The following MAP6 variants were observed in gnomAD, a reference collection of about 807,000 sequenced individuals.
The protein encoded by MAP6 is microtubule-associated protein 6.
In MAP6, 26 loss-of-function variants were observed where a neutral mutation model predicts 42.4. The ratio of observed to expected loss-of-function variants is 0.61; its 90% CI spans 0.45 to 0.85. The LOEUF (loss-of-function observed/expected upper bound fraction) is 0.85. MAP6 is among the 40% of genes least tolerant of loss of function. The pLI is 0.00. For missense variants in MAP6, 966 were observed against 1,099.0 expected (o/e 0.88, Z 1.71); for synonymous variants, 418 against 443.8 (o/e 0.94, Z 0.73).
chr11:75,643,638 G>C (rs56779053), intron 1 of MAP6, among the ~76,000 whole-genome samples: 169 of 152,266 alleles, frequency 1.1e-3, no homozygotes, highest in African/African-American at 4.0e-3. Context: ...CTCAGAAAAG[G>C]CTCTTGACTG....
chr11:75,665,559 C>T (rs1313288741), intron 1 of MAP6, among the ~76,000 whole-genome samples: 1 of 152,098 alleles, frequency 6.6e-6, no homozygotes, highest in Non-Finnish European at 1.5e-5. Context: ...AGAGGCCAAG[C>T]CAGTAATCTA....
chr11:75,647,730 C>T (rs1364128660), intron 1 of MAP6, among the ~76,000 whole-genome samples: 1 of 152,138 alleles, frequency 6.6e-6, no homozygotes, highest in Non-Finnish European at 1.5e-5. Flanking sequence ...GATGTTAATC[C>T]TCAGATTAAT....
intron 1 of MAP6, among the ~76,000 whole-genome samples, chr11:75,635,531 A>G (rs1943354471): frequency 6.6e-6 from 1 of 152,258 alleles, no homozygotes; most frequent in Non-Finnish European, 1.5e-5. Flanking sequence ...TGAAACTGCT[A>G]AAACACTTTC....
intron 1 of MAP6, among the ~76,000 whole-genome samples, chr11:75,618,998 G>A (rs11236468): frequency 0.015 from 2,298 of 152,338 alleles, 64 homozygotes; most frequent in African/African-American, 0.053. Flanking sequence ...GGAGTGGGTG[G>A]GAGGGAAGAT....
chr11:75,605,088 G>A, intron 3 of MAP6: 1 of 985,420 alleles, frequency 1.0e-6, no homozygotes, highest in South Asian at 4.7e-5. Context: ...TCCTATGACA[G>A]CTGGAATGTA....
rs537445366 is a variant in MAP6, at chr11:75,646,270, G to C, written c.905+21195C>G. On this transcript the variant is annotated intron_variant, in intron 1 of 3. Coordinates refer to ENST00000304771, the MANE Select transcript of MAP6 (RefSeq NM_033063.2). The stretch of plus-strand genomic sequence containing the variant: ...CTAAGAAAACATTATTGTCTTTCTA[G>C]AATTCTTCTCTCAGTGATACTATCT... 5.9e-5 allele frequency among the ~76,000 whole-genome samples: 9 copies of C among 152,158 alleles called. No individual in the cohort carries two copies. In the South Asian group the frequency reaches 6.2e-4, roughly 11 times the overall value.
chr11:75,608,255 G>A lies in MAP6; in HGVS notation c.973C>T (p.Pro325Ser), dbSNP rs753135116. 1.9e-6 allele frequency: 3 copies of A among 1,614,204 alleles called. No individual in the cohort carries two copies. The highest frequency in any genetic ancestry group is 2.2e-5 in the South Asian group (2 of 91,084). ...TCATGAACCATCTTATCATCTGGGG[G>A]CTTGTACTGGGGCTTGGCCTTTATT... The part of the protein sequence containing the change: ...KPIKAKPQYK[P>S]PDDKMVHETS... The change falls in exon 2 of 4, where the codon CCC becomes TCC. Residue 325 changes from proline (P) to serine (S), a missense_variant. Around this residue, in one of 2 missense-constraint regions of MAP6, gnomAD observed 943 missense variants for 1,049.9 expected, o/e 0.90. Transcript: ENST00000304771.
intron 1 of MAP6, among the ~76,000 whole-genome samples, chr11:75,657,110 ATT>A (rs60988687): frequency 0.022 from 2,671 of 123,202 alleles, 50 homozygotes; most frequent in African/African-American, 0.075. Flanking sequence ...TGGAGACACT[ATT>A]TTTTTTTTTT....
chr11:75,618,107 C>CTTT (rs111520372), intron 1 of MAP6, among the ~76,000 whole-genome samples: 28 of 108,924 alleles, frequency 2.6e-4, no homozygotes, highest in African/African-American at 9.0e-4. Context: ...TAAGTTTCTG[C>CTTT]TTTTTTTTTT....
At position 75,668,345 on chromosome 11, in the gene MAP6, C is replaced by T; in HGVS notation, c.25G>A (p.Ala9Thr). Residue 9 changes from alanine to threonine, a missense_variant, in exon 1 of 4, where the codon GCC (alanine) becomes ACC (threonine). Transcript: ENST00000304771. ...TTCCAGAAGCGGGCGATGCAGCAGGCCCTCGTGATGCACGGCCACGCCATG... is the reference window on the plus strand; with the variant it reads ...TTCCAGAAGCGGGCGATGCAGCAGGTCCTCGTGATGCACGGCCACGCCATG... MAWPCITR[A>T]CCIARFWNQL... is the part of the protein sequence containing the mutation. 6.3e-7 allele frequency: 1 copy of T among 1,576,040 alleles called. No individual in the cohort carries two copies. Among genetic ancestry groups the T allele is most frequent in the Non-Finnish European group, 8.6e-7 (1 of 1,168,558 alleles).
chr11:75,606,144 G>T, intron 2 of MAP6, 140 bp from the exon 3 acceptor site: 2 of 995,940 alleles, frequency 2.0e-6, no homozygotes, highest in Non-Finnish European at 2.9e-6. Context: ...TGCATAAGGT[G>T]TTCCCAAGGA....
At chr11:75,631,854 G>T (rs1428731996) in intron 1 of MAP6, among the ~76,000 whole-genome samples, 4 of 152,208 alleles carry the variant, frequency 2.6e-5, no homozygotes, top group Admixed American at 1.3e-4. Flanking sequence ...TAGATGGAAT[G>T]ATCCAATTTC....
intron 1 of MAP6, among the ~76,000 whole-genome samples, chr11:75,657,504 C>T (rs562981773): frequency 1.3e-4 from 20 of 152,302 alleles, no homozygotes; most frequent in Non-Finnish European, 2.6e-4. Context: ...TGCTGCTAGA[C>T]ATCCTGCAAT....
chr11:75,593,562 C>T (rs892234929), intron 3 of MAP6, among the ~76,000 whole-genome samples: 2 of 152,198 alleles, frequency 1.3e-5, no homozygotes, highest in Non-Finnish European at 2.9e-5. Context: ...AGTCCATCCA[C>T]GTGGTTTTTT....
chr11:75,642,253 C>A (rs980749323), intron 1 of MAP6, among the ~76,000 whole-genome samples: 1 of 152,130 alleles, frequency 6.6e-6, no homozygotes, highest in African/African-American at 2.4e-5. Flanking sequence ...CATATTGACA[C>A]CCTGGAAATC....
chr11:75,655,637 C>T (rs1943736481), intron 1 of MAP6, among the ~76,000 whole-genome samples: 1 of 152,218 alleles, frequency 6.6e-6, no homozygotes, highest in African/African-American at 2.4e-5. Flanking sequence ...AGACCACCCA[C>T]CCCTCCTCCA....
chr11:75,640,248 G>C (rs1458189045), intron 1 of MAP6, among the ~76,000 whole-genome samples: 1 of 145,164 alleles, frequency 6.9e-6, no homozygotes, highest in Non-Finnish European at 1.5e-5. Flanking sequence ...TCTTTCCCTA[G>C]ATCATGCTTA....
chr11:75,609,268 A>G (rs1942842901), intron 1 of MAP6, among the ~76,000 whole-genome samples: 1 of 152,194 alleles, frequency 6.6e-6, no homozygotes, highest in Non-Finnish European at 1.5e-5. Context: ...TAAGTGCACG[A>G]GAGTCAATGC....
Position 75,668,527 on chromosome 11 carries a change from C to G in MAP6, c.-158G>C. ...TAGTTCGCCCTCCTCCCTCAGCGAGCACCCGGGGAGAGCTGTCCTAGGAGA... is the reference window on the plus strand; with the variant it reads ...TAGTTCGCCCTCCTCCCTCAGCGAGGACCCGGGGAGAGCTGTCCTAGGAGA... On this transcript the variant is annotated 5_prime_UTR_variant, in exon 1 of 4. Transcript: ENST00000304771. 1.8e-6 allele frequency: 2 copies of G among 1,102,156 alleles called. No individual in the cohort carries two copies. The highest frequency in any genetic ancestry group is 2.4e-6 in the Non-Finnish European group (2 of 837,772). 68.3% of individuals were successfully genotyped at this position (1,102,156 alleles called of 1,614,324 possible).
Sources: allele counts gnomAD v4.1 joint callset (sites outside exome capture counted in the v4.1 genomes callset), GRCh38; gene constraint gnomAD v4.1.1; regional missense constraint gnomAD v4.1.1; transcripts MANE v1.5; gene names NCBI Gene and HGNC (gene_info 2026-07-23, HGNC 2026-07-21).